The following WWP1 variants were observed in gnomAD, a reference collection of about 807,000 sequenced individuals.
WWP1 encodes the protein NEDD4-like E3 ubiquitin-protein ligase WWP1.
WWP1 carries 49 observed loss-of-function variants against 130.6 expected under a neutral mutation model. The ratio of observed to expected loss-of-function variants is 0.38; its 90% CI spans 0.30 to 0.48. WWP1 has a LOEUF of 0.48. Among genes scored for constraint, WWP1 ranks in the 20% least tolerant of loss-of-function variants. The pLI is 0.99. For synonymous variants in WWP1, 332 were observed against 367.8 expected (o/e 0.90, Z 1.11); for missense variants, 809 against 1,100.6 (o/e 0.74, Z 3.75).
chr8:86,343,539 A>G (rs1416810881), intron 1 of WWP1, among the ~76,000 whole-genome samples: 2 of 145,028 alleles, frequency 1.4e-5, no homozygotes, highest in African/African-American at 5.2e-5. Context: ...CTCTCCTTTC[A>G]TCTTCGTGTT....
chr8:86,366,535 T>C (rs1483264200), intron 1 of WWP1, among the ~76,000 whole-genome samples: 1 of 152,214 alleles, frequency 6.6e-6, no homozygotes, highest in East Asian at 1.9e-4. Context: ...GTGATATGAT[T>C]TTGAGCCTTA....
chr8:86,384,554 T>G (rs570557477), intron 5 of WWP1, among the ~76,000 whole-genome samples: 4 of 152,344 alleles, frequency 2.6e-5, no homozygotes, highest in Admixed American at 2.0e-4. Flanking sequence ...AAGACAGCCT[T>G]GAAGCAATTT....
chr8:86,423,632 A>C (rs976488980), intron 9 of WWP1, among the ~76,000 whole-genome samples: 1 of 152,194 alleles, frequency 6.6e-6, no homozygotes, highest in Non-Finnish European at 1.5e-5. Flanking sequence ...CTTTCTACAC[A>C]GACACAGCAA....
intron 17 of WWP1, 134 bp downstream of exon 17, chr8:86,438,807 C>T (rs1450200282): frequency 3.2e-6 from 2 of 625,064 alleles, no homozygotes; most frequent in Admixed American, 3.6e-5. Flanking sequence ...CTCAAAAATA[C>T]ACACGGTAAC....
rs553422039 is a variant in WWP1 at position 86,437,953 on chromosome 8, C to T, written c.1750-632C>T. 3.3e-3 allele frequency among the ~76,000 whole-genome samples: 501 copies of T among 152,254 alleles called. 3 individuals carry two copies. Among genetic ancestry groups the T allele is most frequent in the Non-Finnish European group, 5.2e-3 (355 of 68,022 alleles). ...TAGCTGGGACTACAGGCGCCCACCA[C>T]CACGCCTGGCTAACTTTTTGTATTT... is the stretch of plus-strand genomic sequence containing the variant. On this transcript the variant is annotated intron_variant, in intron 16 of 24. Coordinates refer to ENST00000517970, the MANE Select transcript of WWP1 (RefSeq NM_007013.4).
At chr8:86,451,405 A>G (rs1352573543) in intron 20 of WWP1, among the ~76,000 whole-genome samples, 1 of 152,086 alleles carries the variant, frequency 6.6e-6, no homozygotes, top group Non-Finnish European at 1.5e-5. Flanking sequence ...ACCTTGGTTT[A>G]CAATTTGGTT....
intron 5 of WWP1, among the ~76,000 whole-genome samples, chr8:86,389,773 C>T (rs1292718867): frequency 6.8e-6 from 1 of 146,812 alleles, no homozygotes; most frequent in Non-Finnish European, 1.5e-5. Flanking sequence ...GATGGGGCGG[C>T]TGCCCGGCGG....
chr8:86,353,337 A>T (rs1823057617), intron 1 of WWP1, among the ~76,000 whole-genome samples: 1 of 152,184 alleles, frequency 6.6e-6, no homozygotes, highest in Non-Finnish European at 1.5e-5. Context: ...AGAAGAGTAG[A>T]TCTTTTTTCC....
At chr8:86,371,323 AT>A (rs1451990014) in intron 2 of WWP1, among the ~76,000 whole-genome samples, 2 of 152,222 alleles carry the variant, frequency 1.3e-5, no homozygotes, top group Non-Finnish European at 1.5e-5. Context: ...AAGAATGCTT[AT>A]ACTTGGTACA....
At chr8:86,345,554 C>T (rs1008978412) in intron 1 of WWP1, among the ~76,000 whole-genome samples, 9 of 152,058 alleles carry the variant, frequency 5.9e-5, no homozygotes, top group East Asian at 1.9e-4. Flanking sequence ...GAACTACAGG[C>T]GCTTGCCACC....
chr8:86,435,581 CA>C (rs1234637385), intron 15 of WWP1, 51 bp from the exon 16 acceptor site: 42 of 1,611,480 alleles, frequency 2.6e-5, no homozygotes, highest in Non-Finnish European at 3.6e-5. Flanking sequence ...TCTCTTTATA[CA>C]ATACATATAC....
At chr8:86,442,326 T>G (rs779186268) in intron 17 of WWP1, 2 of 191,412 alleles carry the variant, frequency 1.0e-5, no homozygotes, top group African/African-American at 2.3e-5. Flanking sequence ...AAATGGGATT[T>G]AAGCTGAATT....
intron 16 of WWP1, among the ~76,000 whole-genome samples, chr8:86,436,936 A>G (rs11776698): frequency 0.15 from 22,402 of 149,434 alleles, 1,803 homozygotes; most frequent in Non-Finnish European, 0.19. Flanking sequence ...TGATACTTAA[A>G]CTATTATCAA....
At chr8:86,387,592 A>C (rs981577177) in intron 5 of WWP1, among the ~76,000 whole-genome samples, 10 of 151,950 alleles carry the variant, frequency 6.6e-5, no homozygotes, top group Non-Finnish European at 1.3e-4. Flanking sequence ...GGCTCACTGC[A>C]GCCTTTGCCT....
Position 86,363,277 on chromosome 8 carries a change from CTTA to C in WWP1, c.-114-5657_-114-5655del, listed in dbSNP as rs1823774248. On this transcript the variant is annotated intron_variant, in intron 1 of 24. Transcript: ENST00000517970. Reference sequence around the variant, plus strand: ...TAAGGATTAAAGCAGAGGGGAATTCCTTATTATGTTGACTCAGTCAGACTGTTA... The same window carrying C: ...TAAGGATTAAAGCAGAGGGGAATTCCTTATGTTGACTCAGTCAGACTGTTA... 2.6e-5 allele frequency among the ~76,000 whole-genome samples: 4 copies of C among 152,200 alleles called. No homozygotes were observed. The South Asian group carries it at 8.3e-4, about 32-fold the overall frequency.
chr8:86,428,652 G>A (rs1809763692), intron 11 of WWP1, among the ~76,000 whole-genome samples: 1 of 152,120 alleles, frequency 6.6e-6, no homozygotes, highest in Non-Finnish European at 1.5e-5. Flanking sequence ...TACTCTCCTG[G>A]TTATATGTAG....
chr8:86,395,290 T>C (rs1807594216), intron 5 of WWP1, among the ~76,000 whole-genome samples: 1 of 152,212 alleles, frequency 6.6e-6, no homozygotes, highest in African/African-American at 2.4e-5. Flanking sequence ...TGGTTTCTGT[T>C]ATTAACTCGC....
intron 11 of WWP1, among the ~76,000 whole-genome samples, chr8:86,429,090 T>C (rs1809794744): frequency 6.6e-6 from 1 of 152,206 alleles, no homozygotes; most frequent in Non-Finnish European, 1.5e-5. Flanking sequence ...CTGCCATCCA[T>C]ATCGCACTTC....
At chr8:86,383,082 TTAG>T (rs1447300441) in intron 5 of WWP1, among the ~76,000 whole-genome samples, 12 of 152,194 alleles carry the variant, frequency 7.9e-5, no homozygotes, top group African/African-American at 2.2e-4. Flanking sequence ...GAACTAGTAA[TTAG>T]TAGTTAGTAT....
Sources: gnomAD v4.1 joint callset for allele counts (sites outside exome capture counted in the v4.1 genomes callset) on GRCh38, gnomAD v4.1.1 for gene constraint, MANE v1.5 for transcripts, NCBI Gene and HGNC (gene_info 2026-07-23, HGNC 2026-07-21) for gene names.